LMF1: variants seen among roughly 807,000 people sequenced by gnomAD.
LMF1 encodes lipase maturation factor 1.
LMF1 carries 68 observed loss-of-function variants against 60.6 expected under a neutral mutation model. The observed-to-expected ratio is 1.12, with a 90% CI of 0.92 to 1.37. LMF1 has a LOEUF of 1.37. Among genes scored for constraint, LMF1 ranks in the 40% most tolerant of loss-of-function variants. The pLI is 0.00. For synonymous variants in LMF1, 418 were observed against 324.7 expected (o/e 1.29, Z -3.09); for missense variants, 948 against 767.2 (o/e 1.24, Z -2.78).
intron 1 of LMF1, chr16:981,137 C>A: frequency 2.3e-6 from 1 of 440,436 alleles, no homozygotes; most frequent in Non-Finnish European, 4.6e-6. Context: ...CCCCTTGAAG[C>A]GCGTTACCTG....
At chr16:855,786 C>T (rs143879725) in intron 10 of LMF1, 358 of 455,994 alleles carry the variant, frequency 7.9e-4, no homozygotes, top group African/African-American at 6.3e-3. Flanking sequence ...CACCAGGGCC[C>T]GGTAGCGACT....
upstream of LMF1, among the ~76,000 whole-genome samples, chr16:971,172 C>T (rs1312733668): frequency 1.3e-5 from 2 of 152,184 alleles, no homozygotes; most frequent in African/African-American, 4.8e-5. Flanking sequence ...AGCGGGTGCC[C>T]GGAGCCTGCC....
chr16:907,262 G>A (rs560600673), intron 4 of LMF1, among the ~76,000 whole-genome samples: 18 of 152,074 alleles, frequency 1.2e-4, no homozygotes, highest in Non-Finnish European at 1.9e-4. Flanking sequence ...TCAGCCAGGC[G>A]TGATGGCAGG....
intron 2 of LMF1, among the ~76,000 whole-genome samples, chr16:948,143 A>G (rs1167603411): frequency 6.9e-6 from 1 of 144,126 alleles, no homozygotes; most frequent in Admixed American, 7.1e-5. Context: ...AAGTCAGCCA[A>G]CGACAGAGTC....
chr16:939,448 C>A lies in LMF1; in HGVS notation c.504-5194G>T, dbSNP rs376115964. Among the ~76,000 whole-genome samples, 6 of 152,368 alleles carry A rather than the reference C, an allele frequency of 3.9e-5. No homozygotes were observed. In the East Asian group the frequency reaches 9.6e-4, roughly 25 times the overall value. ...AACCAGGAACAACCAACGTGCCGGC[C>A]GGTGGGCTTGGCGCAATGAGCAAAC... On this transcript the variant is annotated intron_variant, in intron 2 of 10. Transcript: ENST00000262301.
At chr16:978,926 G>A (rs546366958) in intron 1 of LMF1, 67 of 451,906 alleles carry the variant, frequency 1.5e-4, no homozygotes, top group African/African-American at 8.4e-4. Flanking sequence ...CCCTGCAGGA[G>A]ATCAGAAGCT....
chr16:970,780 G>A lies in LMF1; in HGVS notation c.193+8C>T. ...CTGGCGGATGTCCCGGGCCCGCCCG[G>A]CACTCACAGTACACGAAGGCTAGGG... On this transcript the variant is annotated splice_region_variant and intron_variant, in intron 1 of 10. Transcript: ENST00000262301. 2 of 1,516,348 alleles carry A rather than the reference G, an allele frequency of 1.3e-6. No individual in the cohort carries two copies. Among genetic ancestry groups the A allele is most frequent in the East Asian group, 2.7e-5 (1 of 37,184 alleles). 93.9% of individuals were successfully genotyped at this position (1,516,348 alleles called of 1,614,324 possible).
intron 2 of LMF1, among the ~76,000 whole-genome samples, chr16:949,262 C>T (rs71384604): frequency 0.46 from 61,533 of 135,054 alleles, 16,291 homozygotes; most frequent in African/African-American, 0.68. Flanking sequence ...CAGCCAACGA[C>T]AGAGTCAGAG....
intron 1 of LMF1, among the ~76,000 whole-genome samples, chr16:958,884 C>CA (rs1377609799): frequency 7.9e-4 from 112 of 142,450 alleles, no homozygotes; most frequent in Non-Finnish European, 1.4e-3. Flanking sequence ...AAGACTGTCT[C>CA]AAAAAAAAAA....
chr16:884,806 T>A (rs2070259911), intron 5 of LMF1: 2 of 145,984 alleles, frequency 1.4e-5, no homozygotes, highest in African/African-American at 2.6e-5. Flanking sequence ...GGGAGAATGA[T>A]CACGGATGGA....
At chr16:859,090 C>T (rs367784023) in intron 10 of LMF1, among the ~76,000 whole-genome samples, 51 of 106,042 alleles carry the variant, frequency 4.8e-4, no homozygotes, top group African/African-American at 2.4e-3. Flanking sequence ...TGAGTGGTGT[C>T]TCGGGACGGG....
intron 10 of LMF1, among the ~76,000 whole-genome samples, chr16:867,498 G>A (rs1259226635): frequency 6.6e-6 from 1 of 152,186 alleles, no homozygotes; most frequent in Non-Finnish European, 1.5e-5. Flanking sequence ...CAGTAACAGA[G>A]AAGACCCGTA....
chr16:952,366 G>A (rs1421125367), intron 2 of LMF1, among the ~76,000 whole-genome samples: 1 of 152,052 alleles, frequency 6.6e-6, no homozygotes, highest in Non-Finnish European at 1.5e-5. Context: ...AGCCTGCAGG[G>A]CCTGGGCTGT....
At chr16:911,548 G>T (rs1368724070) in intron 3 of LMF1, among the ~76,000 whole-genome samples, 2 of 91,178 alleles carry the variant, frequency 2.2e-5, no homozygotes, top group African/African-American at 9.9e-5. Flanking sequence ...GGGCAGCACT[G>T]GGGGGGCAGC....
At chr16:855,540 C>G (rs55776028) in intron 10 of LMF1, 2 of 366,594 alleles carry the variant, frequency 5.5e-6, no homozygotes, top group South Asian at 4.1e-5. Flanking sequence ...TCGGCTGCCC[C>G]GGAGGAGGAG....
intron 6 of LMF1, among the ~76,000 whole-genome samples, chr16:879,264 CCTTGG>C (rs1225750270): frequency 1.3e-5 from 2 of 152,198 alleles, no homozygotes; most frequent in African/African-American, 4.8e-5. Flanking sequence ...CCACACAGGG[CCTTGG>C]CGTGCTGACC....
intron 4 of LMF1, among the ~76,000 whole-genome samples, chr16:910,530 G>A (rs917930001): frequency 3.9e-5 from 6 of 152,164 alleles, no homozygotes; most frequent in African/African-American, 1.4e-4. Context: ...CTGCCAACGC[G>A]CCCACCATGG....
intron 6 of LMF1, among the ~76,000 whole-genome samples, chr16:876,120 T>C (rs921544254): frequency 6.6e-6 from 1 of 152,242 alleles, no homozygotes; most frequent in African/African-American, 2.4e-5. Context: ...GCTCCGTCTG[T>C]TGCCCTTCAG....
At chr16:893,364 C>T (rs1193678790) in intron 4 of LMF1, 14 of 533,306 alleles carry the variant, frequency 2.6e-5, no homozygotes, top group East Asian at 1.4e-4. Context: ...CGCATCATCA[C>T]GCTACAGAAG....
Sources: allele counts gnomAD v4.1 joint callset (sites outside exome capture counted in the v4.1 genomes callset), GRCh38; gene constraint gnomAD v4.1.1; transcripts MANE v1.5; gene names NCBI Gene and HGNC (gene_info 2026-07-23, HGNC 2026-07-21).